The following RDH12 variants were observed in gnomAD, a reference collection of about 807,000 sequenced individuals.
RDH12 encodes the protein all-trans and 9-cis retinol dehydrogenase.
A neutral mutation model predicts 34.0 loss-of-function variants in RDH12; 21 were observed. The ratio of observed to expected loss-of-function variants is 0.62; its 90% CI spans 0.44 to 0.89. RDH12 has a LOEUF of 0.89. Among genes scored for constraint, RDH12 ranks in the 40% least tolerant of loss-of-function variants. The pLI is 0.00. For missense variants in RDH12, 394 were observed against 398.6 expected, an observed-to-expected ratio of 0.99 and a Z score of 0.10; for synonymous variants, 198 against 169.9, an observed-to-expected ratio of 1.17 and a Z score of -1.29.
In RDH12 at chr14:67,727,014, G is replaced by A. The variant is rs17852293; in HGVS notation, c.482G>A (p.Arg161Gln). The change falls in exon 7 of 9, where the codon CGG becomes CAG. Residue 161 changes from arginine to glutamine, a missense_variant. Coordinates refer to ENST00000551171, the MANE Select transcript of RDH12 (RefSeq NM_152443.3). ...HFLLTYLLLERLKVSAPARVV... is the reference protein window; with the variant it reads ...HFLLTYLLLEQLKVSAPARVV... ...CTCCTCACCTACCTGCTCCTGGAGC[G>A]GCTAAAGGTGTCTGCCCCTGCACGG... is the stretch of plus-strand genomic sequence containing the variant. 0.13 allele frequency: 209,257 copies of A among 1,612,778 alleles called. 14,098 individuals carry two copies. The highest frequency in any genetic ancestry group is 0.14 in the Admixed American group (8,678 of 60,002).
At chr14:67,705,308 T>C (rs1408398708) in intron 1 of RDH12, among the ~76,000 whole-genome samples, 1 of 152,206 alleles carries the variant, frequency 6.6e-6, no homozygotes. Flanking sequence ...TTTAAGACAA[T>C]CAGTAACACT....
Position 67,725,112 on chromosome 14 carries a change from T to C in RDH12, c.201T>C (p.Tyr67=), listed in dbSNP as rs1256943978. The C allele has an allele frequency of 6.2e-7, 1 of 1,614,186 alleles. No homozygotes were observed. Among genetic ancestry groups the C allele is most frequent in the Admixed American group, 1.7e-5 (1 of 60,026 alleles). ...TCTTGGACCCAGGAGCCCGAGTCTA[T>C]ATTGCCTGCAGAGATGTACTGAAGG... is the stretch of plus-strand genomic sequence containing the variant. The part of the protein sequence containing the change: ...RELASRGARV[Y]IACRDVLKGE... The change falls in exon 5 of 9, where the codon TAT becomes TAC. Residue 67 remains tyrosine, a synonymous_variant. Transcript: ENST00000551171.
chr14:67,707,035 G>A (rs1386625184), intron 1 of RDH12, among the ~76,000 whole-genome samples: 2 of 152,170 alleles, frequency 1.3e-5, no homozygotes, highest in African/African-American at 4.8e-5. Flanking sequence ...TACATCAGTA[G>A]GCAGGTATGA....
At chr14:67,718,757 G>C (rs764779917) in intron 1 of RDH12, among the ~76,000 whole-genome samples, 2 of 152,164 alleles carry the variant, frequency 1.3e-5, no homozygotes, top group Non-Finnish European at 2.9e-5. Context: ...ATTGGTCCCT[G>C]GCTTTTTTGA....
At chr14:67,707,447 G>A (rs2037962881) in intron 1 of RDH12, among the ~76,000 whole-genome samples, 2 of 151,980 alleles carry the variant, frequency 1.3e-5, no homozygotes, top group Admixed American at 1.3e-4. Flanking sequence ...TATATTTTTT[G>A]AGATGGAGTC....
At chr14:67,705,433 C>A (rs1470138021) in intron 1 of RDH12, among the ~76,000 whole-genome samples, 1 of 152,192 alleles carries the variant, frequency 6.6e-6, no homozygotes, top group Non-Finnish European at 1.5e-5. Flanking sequence ...TCGTAAGATT[C>A]TTTACTCAGA....
intron 8 of RDH12, among the ~76,000 whole-genome samples, chr14:67,733,454 G>A (rs1033236026): frequency 2.0e-5 from 3 of 152,126 alleles, no homozygotes; most frequent in African/African-American, 7.2e-5. Context: ...CATTGCAGTT[G>A]TTGCAGATAT....
At position 67,724,569 on chromosome 14, in the gene RDH12, G is replaced by T. The variant is rs751674066; in HGVS notation, c.165G>T (p.Thr55=). 10 of 1,613,614 alleles carry T rather than the reference G, an allele frequency of 6.2e-6. No individual in the cohort carries two copies. Among genetic ancestry groups the T allele is most frequent in the Non-Finnish European group, 7.6e-6 (9 of 1,179,648 alleles). ...CCAACACGGGCATTGGCAAGGAGACGGCCAGAGAGCTCGCTAGCCGAGGTA... is the reference window on the plus strand; with the variant it reads ...CCAACACGGGCATTGGCAAGGAGACTGCCAGAGAGCTCGCTAGCCGAGGTA... The part of the protein sequence containing the change: ...TGANTGIGKE[T]ARELASRGAR... The change falls in exon 4 of 9, where the codon ACG becomes ACT. Residue 55 remains threonine (T), a synonymous_variant. Coordinates refer to ENST00000551171, the MANE Select transcript of RDH12 (RefSeq NM_152443.3).
chr14:67,705,208 T>C (rs1358026626), intron 1 of RDH12, among the ~76,000 whole-genome samples: 1 of 152,252 alleles, frequency 6.6e-6, no homozygotes, highest in African/African-American at 2.4e-5. Context: ...AGACTCTTCA[T>C]ACTGGAGTTG....
chr14:67,731,347 TG>T (rs923270232), intron 8 of RDH12, among the ~76,000 whole-genome samples: 1 of 151,518 alleles, frequency 6.6e-6, no homozygotes, highest in Admixed American at 6.6e-5. Context: ...CCCGAGTAGC[TG>T]GGATTACAGG....
At chr14:67,709,329 T>C (rs1164593941) in intron 1 of RDH12, among the ~76,000 whole-genome samples, 3 of 152,188 alleles carry the variant, frequency 2.0e-5, no homozygotes, top group African/African-American at 7.2e-5. Flanking sequence ...TAAGCCCTAA[T>C]AAAAACAGCA....
chr14:67,732,618 C>T (rs1291035003), intron 8 of RDH12, among the ~76,000 whole-genome samples: 1 of 151,850 alleles, frequency 6.6e-6, no homozygotes, highest in Non-Finnish European at 1.5e-5. Context: ...GTCTTGTCGC[C>T]CAGGCTGGAT....
rs1459223231 is a variant in RDH12 at position 67,710,550 on chromosome 14, T to C, written c.-275+8615T>C. On this transcript the variant is annotated intron_variant, in intron 1 of 8. Coordinates refer to ENST00000551171, the MANE Select transcript of RDH12 (RefSeq NM_152443.3). ...CTCTAGGACTAAATTTACCACACAA[T>C]ATTCTTTTTCATATGAAATTATTTC... Among the ~76,000 whole-genome samples the C allele has an allele frequency of 2.0e-5, 3 of 152,256 alleles. No individual in the cohort carries two copies. The East Asian group carries it at 5.8e-4, about 29-fold the overall frequency.
chr14:67,726,244 G>A lies in RDH12; in HGVS notation c.448+89G>A, dbSNP rs1303461465. 1.1e-5 allele frequency: 9 copies of A among 852,234 alleles called. No individual in the cohort carries two copies. In the Admixed American group the frequency reaches 1.2e-4, roughly 12 times the overall value. 52.8% of individuals were successfully genotyped at this position (852,234 alleles called of 1,614,324 possible). On this transcript the variant is annotated intron_variant, in intron 6 of 8. Transcript: ENST00000551171. Reference sequence around the variant, plus strand: ...ACTGTGTAAATGTGGAGAATGTCCAGGGGCCTTCATAGAGCCTAGGAATTC... The same window carrying A: ...ACTGTGTAAATGTGGAGAATGTCCAAGGGCCTTCATAGAGCCTAGGAATTC...
At chr14:67,727,213 A>G (rs761052236) in intron 7 of RDH12, 23 bp downstream of exon 7, 77 of 1,594,268 alleles carry the variant, frequency 4.8e-5, no homozygotes, top group Non-Finnish European at 6.0e-5. Context: ...AAAGAGGAAT[A>G]GCAAAAATGG....
At chr14:67,708,994 C>T (rs150314442) in intron 1 of RDH12, among the ~76,000 whole-genome samples, 18,847 of 152,012 alleles carry the variant, frequency 0.12, 1,206 homozygotes, top group Admixed American at 0.15. Flanking sequence ...GGTTTCACCA[C>T]GTTGGCCAGG....
chr14:67,722,279 C>T, intron 2 of RDH12, 145 bp from the exon 3 acceptor site: 1 of 364,312 alleles, frequency 2.7e-6, no homozygotes, highest in Non-Finnish European at 5.3e-6. Flanking sequence ...GTAGAGGTGG[C>T]AGTGGTTGGG....
At chr14:67,727,470 CTTTTTG>C in intron 7 of RDH12, 2 of 298,260 alleles carry the variant, frequency 6.7e-6, no homozygotes, top group Non-Finnish European at 1.3e-5. Flanking sequence ...CAGACAGAGG[CTTTTTG>C]TTTTTTTTGT....
rs371008020 is a variant in RDH12 at position 67,702,827 on chromosome 14, C to T, written c.-275+892C>T. 3.0e-4 allele frequency among the ~76,000 whole-genome samples: 46 copies of T among 152,034 alleles called. 1 individual carries two copies. The highest frequency in any genetic ancestry group is 1.1e-3 in the African/African-American group (45 of 41,480). Reference sequence around the variant, plus strand: ...CTTATACCTTTATTTTTTGATTTGTCTTTTGAAACAGGGCCTCACTCTGTT... The same window carrying T: ...CTTATACCTTTATTTTTTGATTTGTTTTTTGAAACAGGGCCTCACTCTGTT... On this transcript the variant is annotated intron_variant, in intron 1 of 8. Transcript: ENST00000551171.
Sources: allele counts gnomAD v4.1 joint callset (sites outside exome capture counted in the v4.1 genomes callset), GRCh38; gene constraint gnomAD v4.1.1; transcripts MANE v1.5; gene names NCBI Gene and HGNC (gene_info 2026-07-23, HGNC 2026-07-21).